The following PCBP3 variants were observed in gnomAD, a reference collection of about 807,000 sequenced individuals.
PCBP3 encodes the protein poly(rC)-binding protein 3.
Under a neutral mutation model 52.7 loss-of-function variants are expected in PCBP3, and 25 were observed. That is an observed-to-expected ratio of 0.47 (90% CI 0.35 to 0.66). The LOEUF is 0.66. Among genes scored for constraint, PCBP3 ranks in the 30% least tolerant of loss-of-function variants. PCBP3 has a pLI of 0.01. For missense variants in PCBP3, 391 were observed against 490.3 expected (o/e 0.80, Z 1.91); for synonymous variants, 162 against 183.0 (o/e 0.89, Z 0.93).
intron 5 of PCBP3, among the ~76,000 whole-genome samples, chr21:45,889,915 G>A (rs552746600): frequency 3.0e-4 from 46 of 152,404 alleles, no homozygotes; most frequent in Admixed American, 2.4e-3. Flanking sequence ...TTAGAAGTCA[G>A]CGTAGCTCCG....
At chr21:45,931,310 G>A (rs2076142909) in intron 15 of PCBP3, among the ~76,000 whole-genome samples, 1 of 152,222 alleles carries the variant, frequency 6.6e-6, no homozygotes, top group South Asian at 2.1e-4. Flanking sequence ...AGGTTCCTAG[G>A]TGCCCGTGAA....
chr21:45,829,252 G>A lies in PCBP3; in HGVS notation c.-125-20709G>A, dbSNP rs1227893456. 1 of 150,762 alleles carries A rather than the reference G, an allele frequency of 6.6e-6. No individual in the cohort carries two copies. The allele number at this position is 150,762 out of a possible 1,614,324, so 9.3% of individuals were successfully genotyped here. ...GCCTTCAGATTCTCTGAGATTCAAAGCTCTTTGGAGAGAGGACACTTTGCT... is the reference window on the plus strand; with the variant it reads ...GCCTTCAGATTCTCTGAGATTCAAAACTCTTTGGAGAGAGGACACTTTGCT... On this transcript the variant is annotated intron_variant, in intron 4 of 17. Transcript: ENST00000681687. The surrounding 1 kb of genome is among the most constrained non-coding windows in gnomAD (Gnocchi z 5.2).
chr21:45,914,613 CT>C, intron 12 of PCBP3: 1 of 154,016 alleles, frequency 6.5e-6, no homozygotes, highest in Non-Finnish European at 1.4e-5. Flanking sequence ...GGTTTCAGCC[CT>C]TGAGCTCTGT....
chr21:45,785,405 ACCCCTACTGGGAAG>A (rs1398736811), intron 4 of PCBP3, among the ~76,000 whole-genome samples: 9 of 117,902 alleles, frequency 7.6e-5, no homozygotes, highest in African/African-American at 2.7e-4. Flanking sequence ...CTGCCCGGCC[ACCCCTACTGGGAAG>A]TGAGGAGCCC....
intron 2 of PCBP3, among the ~76,000 whole-genome samples, chr21:45,726,725 G>A (rs1020227898): frequency 6.6e-6 from 1 of 152,204 alleles, no homozygotes; most frequent in Non-Finnish European, 1.5e-5. Flanking sequence ...AGTGACCCGC[G>A]TGTGGCTCCC....
chr21:45,776,087 C>T (rs985418954), intron 4 of PCBP3, among the ~76,000 whole-genome samples: 6 of 151,636 alleles, frequency 4.0e-5, no homozygotes, highest in Admixed American at 3.9e-4. Context: ...CTTTATTGAC[C>T]CAGGAACATA....
chr21:45,734,857 C>T (rs988833653), intron 2 of PCBP3, among the ~76,000 whole-genome samples: 2 of 152,220 alleles, frequency 1.3e-5, no homozygotes, highest in African/African-American at 4.8e-5. Context: ...TCTTATGTTT[C>T]TGTAGTCTTT....
At chr21:45,652,624 G>A (rs555487094) in intron 1 of PCBP3, among the ~76,000 whole-genome samples, 1 of 151,976 alleles carries the variant, frequency 6.6e-6, no homozygotes, top group Non-Finnish European at 1.5e-5. Context: ...GTATTTTTTA[G>A]TAGAGACGGG....
chr21:45,868,110 C>A (rs1349823447), intron 5 of PCBP3, among the ~76,000 whole-genome samples: 2 of 152,276 alleles, frequency 1.3e-5, no homozygotes, highest in Non-Finnish European at 2.9e-5. Flanking sequence ...CAAACCGTCA[C>A]TTCAGACTCC....
intron 4 of PCBP3, among the ~76,000 whole-genome samples, chr21:45,785,380 A>G (rs2091047194): frequency 6.9e-6 from 1 of 143,906 alleles, no homozygotes. Flanking sequence ...CCCATCCGGG[A>G]GGTGAGGGGC....
intron 1 of PCBP3, among the ~76,000 whole-genome samples, chr21:45,651,638 A>G (rs2079691242): frequency 6.6e-6 from 1 of 152,220 alleles, no homozygotes; most frequent in Non-Finnish European, 1.5e-5. Flanking sequence ...CCATTTCCCT[A>G]TAGCTAGACA....
chr21:45,862,426 C>T (rs780885169), intron 5 of PCBP3, among the ~76,000 whole-genome samples: 1 of 152,072 alleles, frequency 6.6e-6, no homozygotes, highest in Non-Finnish European at 1.5e-5. Context: ...TGGTTGGTTA[C>T]TATTTTTGCT....
At chr21:45,816,439 C>A (rs1355770546) in intron 4 of PCBP3, among the ~76,000 whole-genome samples, 8 of 80,102 alleles carry the variant, frequency 1.0e-4, no homozygotes, top group Non-Finnish European at 1.2e-4. Context: ...CCTTCCCCTT[C>A]CCCCTCCCCG....
intron 15 of PCBP3, among the ~76,000 whole-genome samples, 155 bp from the exon 16 acceptor site, chr21:45,935,098 C>T (rs1208942898): frequency 6.6e-6 from 1 of 152,224 alleles, no homozygotes; most frequent in Non-Finnish European, 1.5e-5. Context: ...GACTGAAGCT[C>T]ACAGGGTCCT....
intron 4 of PCBP3, among the ~76,000 whole-genome samples, chr21:45,772,260 G>C (rs1257904344): frequency 6.6e-6 from 1 of 151,860 alleles, no homozygotes; most frequent in East Asian, 1.9e-4. Flanking sequence ...TTTCCATTGT[G>C]TACCTCCATG....
chr21:45,911,982 T>C (rs2096404132), intron 11 of PCBP3, among the ~76,000 whole-genome samples: 1 of 152,258 alleles, frequency 6.6e-6, no homozygotes, highest in Non-Finnish European at 1.5e-5. Context: ...CTGGAGGCCC[T>C]GCGGGCCGAG....
In PCBP3 at chr21:45,784,165, A is replaced by C. The variant is rs1016808214; in HGVS notation, c.-126+28713A>C. 4.3e-4 allele frequency among the ~76,000 whole-genome samples: 66 copies of C among 152,160 alleles called. 3 individuals carry two copies. The highest frequency in any genetic ancestry group is 1.5e-5 in the Non-Finnish European group (1 of 68,020). ...AACACCTCTGAAATAAAAAATGTAC[A>C]ATATTTCACTTTTTGTGCCAAGGTA... is the stretch of plus-strand genomic sequence containing the variant. On this transcript the variant is annotated intron_variant, in intron 4 of 17. Coordinates refer to ENST00000681687, the MANE Select transcript of PCBP3 (RefSeq NM_001384156.1).
At chr21:45,899,808 C>T (rs1189223592) in intron 7 of PCBP3, among the ~76,000 whole-genome samples, 186 bp downstream of exon 7, 6 of 152,150 alleles carry the variant, frequency 3.9e-5, no homozygotes, top group Non-Finnish European at 8.8e-5. Flanking sequence ...GAAGCTGGTC[C>T]CTGGCTCTGC....
intron 2 of PCBP3, among the ~76,000 whole-genome samples, chr21:45,730,290 A>G (rs2085358063): frequency 6.6e-6 from 1 of 151,754 alleles, no homozygotes; most frequent in Non-Finnish European, 1.5e-5. Context: ...CCCATATGTT[A>G]TTTAGACATG....
Sources: gnomAD v4.1 joint callset for allele counts (sites outside exome capture counted in the v4.1 genomes callset) on GRCh38, gnomAD v4.1.1 for gene constraint, Gnocchi (gnomAD v3.1) non-coding constraint, MANE v1.5 for transcripts, NCBI Gene and HGNC (gene_info 2026-07-23, HGNC 2026-07-21) for gene names.